Variants in PLCB1 observed in about 807,000 individuals in gnomAD.
PLCB1 encodes 1-phosphatidylinositol 4,5-bisphosphate phosphodiesterase beta-1.
Under a neutral mutation model 161.8 loss-of-function variants are expected in PLCB1, and 46 were observed. The observed-to-expected ratio is 0.28, with a 90% CI of 0.22 to 0.36. PLCB1 has a LOEUF of 0.36. PLCB1 is among the 10% of genes least tolerant of loss of function. PLCB1 has a pLI of 1.00. For missense variants in PLCB1, 1,016 were observed against 1,472.5 expected (o/e 0.69, Z 5.07); for synonymous variants, 517 against 503.7 (o/e 1.03, Z -0.35).
intron 3 of PLCB1, among the ~76,000 whole-genome samples, chr20:8,400,235 GA>G (rs1978489096): frequency 6.6e-6 from 1 of 152,130 alleles, no homozygotes; most frequent in South Asian, 2.1e-4. Context: ...CTCTTAGAAA[GA>G]TATTTTAAGT....
chr20:8,731,461 C>G (rs1349166148), intron 18 of PLCB1, among the ~76,000 whole-genome samples: 1 of 151,866 alleles, frequency 6.6e-6, no homozygotes, highest in East Asian at 1.9e-4. Flanking sequence ...TTCTCTTCAT[C>G]CTGATCCTAA....
At chr20:8,356,028 A>G (rs536103591) in intron 2 of PLCB1, among the ~76,000 whole-genome samples, 1 of 152,314 alleles carries the variant, frequency 6.6e-6, no homozygotes, top group South Asian at 2.1e-4. Context: ...GTGAGACTCC[A>G]TAGTGTCCAG....
chr20:8,837,087 A>G (rs1986315934), intron 31 of PLCB1, among the ~76,000 whole-genome samples: 1 of 152,128 alleles, frequency 6.6e-6, no homozygotes, highest in Non-Finnish European at 1.5e-5. Flanking sequence ...CCCCTAAATT[A>G]TGATGAGGGT....
chr20:8,508,522 C>T (rs927969978), intron 3 of PLCB1, among the ~76,000 whole-genome samples: 2 of 152,134 alleles, frequency 1.3e-5, no homozygotes, highest in African/African-American at 2.4e-5. Context: ...ACTATCCTTG[C>T]TTATTTCCAA....
chr20:8,621,721 T>C (rs754769969), intron 3 of PLCB1, among the ~76,000 whole-genome samples: 36 of 152,202 alleles, frequency 2.4e-4, no homozygotes, highest in Admixed American at 1.8e-3. Flanking sequence ...CTGCATCAAA[T>C]TGGATATACT....
chr20:8,452,228 C>G (rs1286843793), intron 3 of PLCB1, among the ~76,000 whole-genome samples: 1 of 151,946 alleles, frequency 6.6e-6, no homozygotes, highest in East Asian at 1.9e-4. Flanking sequence ...GAGATTATTC[C>G]TTTTAACTTT....
intron 14 of PLCB1, among the ~76,000 whole-genome samples, chr20:8,718,960 A>G (rs1279633493): frequency 6.6e-6 from 1 of 152,186 alleles, no homozygotes; most frequent in East Asian, 1.9e-4. Flanking sequence ...TTATCTTTTG[A>G]AGCTCCTAGA....
intron 3 of PLCB1, among the ~76,000 whole-genome samples, chr20:8,427,778 G>A (rs1043748548): frequency 6.6e-6 from 1 of 152,126 alleles, no homozygotes; most frequent in African/African-American, 2.4e-5. Flanking sequence ...TTCTCTTGGA[G>A]CCCTATAGAC....
chr20:8,455,602 G>A (rs899713020), intron 3 of PLCB1, among the ~76,000 whole-genome samples: 2 of 151,418 alleles, frequency 1.3e-5, no homozygotes, highest in Admixed American at 6.6e-5. Flanking sequence ...CACCACGCCC[G>A]GCTAATTTTT....
At chr20:8,437,584 T>A (rs750635712) in intron 3 of PLCB1, among the ~76,000 whole-genome samples, 1 of 152,206 alleles carries the variant, frequency 6.6e-6, no homozygotes, top group African/African-American at 2.4e-5. Flanking sequence ...TCCAGTACAG[T>A]AGACTGACAT....
At chr20:8,533,523 C>A (rs1049573640) in intron 3 of PLCB1, among the ~76,000 whole-genome samples, 12 of 152,184 alleles carry the variant, frequency 7.9e-5, no homozygotes, top group Admixed American at 3.9e-4. Flanking sequence ...TCTCCAGCAC[C>A]TGTTGTTTCC....
intron 2 of PLCB1, among the ~76,000 whole-genome samples, chr20:8,356,681 A>C (rs1986372092): frequency 6.6e-6 from 1 of 152,192 alleles, no homozygotes. Context: ...TTCTGTACTT[A>C]ATTTTGACTG....
chr20:8,765,846 A>T (rs1982287730), intron 26 of PLCB1, among the ~76,000 whole-genome samples: 1 of 152,050 alleles, frequency 6.6e-6, no homozygotes, highest in East Asian at 1.9e-4. Context: ...CGCCTGGCGA[A>T]TTTTTGTATT....
intron 9 of PLCB1, among the ~76,000 whole-genome samples, chr20:8,678,558 A>G (rs1990143924): frequency 6.6e-6 from 1 of 152,224 alleles, no homozygotes; most frequent in Non-Finnish European, 1.5e-5. Context: ...TAAATTTAGC[A>G]GATAACCCTT....
In PLCB1 at chr20:8,151,656, G is replaced by A. The variant is rs2051509745; in HGVS notation, c.177+1285G>A. Among the ~76,000 whole-genome samples, 3 of 152,142 alleles carry A rather than the reference G, an allele frequency of 2.0e-5. No individual in the cohort carries two copies. In the South Asian group the frequency reaches 6.2e-4, roughly 31 times the overall value. ...GCTGTTATGTGTAAAACAATGGCTT[G>A]CAAGAGGTTTTGTTTTTTGGGTGTT... is the stretch of plus-strand genomic sequence containing the variant. On this transcript the variant is annotated intron_variant, in intron 2 of 31. Transcript: ENST00000338037.
intron 3 of PLCB1, among the ~76,000 whole-genome samples, chr20:8,384,458 G>C (rs192670980): frequency 3.4e-4 from 52 of 151,934 alleles, no homozygotes; most frequent in Non-Finnish European, 7.4e-5. Flanking sequence ...CTTTGCATTG[G>C]ATTAGAACAT....
chr20:8,793,489 A>C (rs1018859097), intron 31 of PLCB1, among the ~76,000 whole-genome samples: 70 of 152,182 alleles, frequency 4.6e-4, no homozygotes, highest in Non-Finnish European at 8.8e-4. Context: ...AAAAGAGAGA[A>C]ATTTTAAGGC....
intron 3 of PLCB1, among the ~76,000 whole-genome samples, chr20:8,443,105 G>A (rs1024438300): frequency 4.0e-5 from 6 of 151,560 alleles, no homozygotes; most frequent in East Asian, 1.9e-4. Context: ...TCACCTTCTC[G>A]AGTAGCTGGG....
chr20:8,281,418 CA>C (rs1378806425), intron 2 of PLCB1, among the ~76,000 whole-genome samples: 3 of 151,912 alleles, frequency 2.0e-5, no homozygotes, highest in Non-Finnish European at 4.4e-5. Flanking sequence ...GGACTCTGTT[CA>C]TAATTCAGCA....
Sources: gnomAD v4.1 joint callset for allele counts (sites outside exome capture counted in the v4.1 genomes callset) on GRCh38, gnomAD v4.1.1 for gene constraint, MANE v1.5 for transcripts, NCBI Gene and HGNC (gene_info 2026-07-23, HGNC 2026-07-21) for gene names.